HEATR4: variants seen among roughly 807,000 people sequenced by gnomAD.
HEATR4 encodes the protein HEAT repeat containing 4.
A neutral mutation model predicts 108.8 loss-of-function variants in HEATR4; 95 were observed. The ratio of observed to expected loss-of-function variants is 0.87; its 90% CI spans 0.74 to 1.04. HEATR4 has a LOEUF of 1.04. HEATR4 is among the 50% of genes least tolerant of loss of function. HEATR4 has a pLI of 0.00. For synonymous variants in HEATR4, 443 were observed against 459.4 expected (o/e 0.96, Z 0.46); for missense variants, 1,152 against 1,253.8 (o/e 0.92, Z 1.23).
the HEATR4 span, chr14:73,574,471 C>T: frequency 3.3e-6 from 1 of 306,188 alleles, no homozygotes; most frequent in East Asian, 8.8e-5. Flanking sequence ...CCATGTTGGC[C>T]AGACTGATCT....
At chr14:73,609,896 C>T in the HEATR4 span, among the ~76,000 whole-genome samples, 1 of 152,084 alleles carries the variant, frequency 6.6e-6, no homozygotes, top group African/African-American at 2.4e-5. Flanking sequence ...GCCTCAGCCT[C>T]CCAAAGTGCT....
At chr14:73,595,185 A>T in the HEATR4 span, 1 of 1,614,250 alleles carries the variant, frequency 6.2e-7, no homozygotes, top group Non-Finnish European at 8.5e-7. Flanking sequence ...ACAGCCATCA[A>T]CTATAAGCAC....
At chr14:73,599,205 T>C in the HEATR4 span, among the ~76,000 whole-genome samples, 1 of 152,002 alleles carries the variant, frequency 6.6e-6, no homozygotes, top group African/African-American at 2.4e-5. Context: ...GCCATTTAAA[T>C]CTCGGTGGAG....
chr14:73,556,175 A>G (rs1408561182), intron 1 of HEATR4, among the ~76,000 whole-genome samples: 12 of 111,014 alleles, frequency 1.1e-4, no homozygotes, highest in African/African-American at 1.4e-4. Flanking sequence ...TGTAATCCCA[A>G]CACTTTGGGA....
At position 73,512,136 on chromosome 14, in the gene HEATR4, G is replaced by A. The variant is rs1566834037; in HGVS notation, c.1428C>T (p.His476=). The A allele has an allele frequency of 6.2e-7, 1 of 1,614,180 alleles. No homozygotes were observed. The highest frequency in any genetic ancestry group is 8.5e-7 in the Non-Finnish European group (1 of 1,180,020). Residue 476 remains histidine (H), a synonymous_variant, in exon 7 of 18, where the codon CAC becomes CAT. Coordinates refer to ENST00000553558, the MANE Select transcript of HEATR4 (RefSeq NM_001220484.1). ...KTAWALIIEW[H]HETVENLLQS... is the part of the protein sequence containing the mutation. ...GAAGCAGGTTCTCTACTGTCTCATG[G>A]TGCCACTCTATGACTGAGCCGCAGT...
chr14:73,504,531 T>C (rs778579693), intron 10 of HEATR4, among the ~76,000 whole-genome samples: 7 of 152,104 alleles, frequency 4.6e-5, no homozygotes, highest in Non-Finnish European at 8.8e-5. Flanking sequence ...TGCGAGCCAC[T>C]GTGCCCGGCC....
At chr14:73,526,090 C>G (rs1888322104) in intron 2 of HEATR4, among the ~76,000 whole-genome samples, 1 of 152,192 alleles carries the variant, frequency 6.6e-6, no homozygotes, top group Non-Finnish European at 1.5e-5. Context: ...GCCCCCCTCC[C>G]TCACCTCTGG....
At chr14:73,488,046 G>A (rs1471140038) in intron 17 of HEATR4, among the ~76,000 whole-genome samples, 3 of 152,184 alleles carry the variant, frequency 2.0e-5, no homozygotes, top group Non-Finnish European at 2.9e-5. Context: ...ATTTTGAGTA[G>A]GGTGATGACA....
rs1887110188 is a variant in HEATR4 at position 73,509,848 on chromosome 14, A to ATT, written c.1559-376_1559-375insAA. Among the ~76,000 whole-genome samples the ATT allele has an allele frequency of 1.3e-4, 9 of 69,334 alleles. 1 individual carries two copies. The highest frequency in any genetic ancestry group is 5.3e-4 in the African/African-American group (9 of 17,066). 45.5% of individuals were successfully genotyped at this position (69,334 alleles called of 152,430 possible). A position where few individuals can be genotyped will look rare whatever the true frequency, so the allele number is the denominator to read the frequency against. On this transcript the variant is annotated intron_variant, in intron 7 of 17. Coordinates refer to ENST00000553558, the MANE Select transcript of HEATR4 (RefSeq NM_001220484.1). ...TATATATATATATATATATATATAT[A>ATT]TATATATATATATATATATATTTAT...
chr14:73,615,114 G>A, the HEATR4 span, among the ~76,000 whole-genome samples: 1 of 150,470 alleles, frequency 6.6e-6, no homozygotes, highest in Non-Finnish European at 1.5e-5. Flanking sequence ...GCGGCCAGGC[G>A]CGGTGGCTCA....
intron 6 of HEATR4, among the ~76,000 whole-genome samples, chr14:73,513,329 CATGCCTAT>C (rs1400861354): frequency 6.6e-6 from 1 of 151,824 alleles, no homozygotes; most frequent in African/African-American, 2.4e-5. Flanking sequence ...CATCATGGCA[CATGCCTAT>C]AGTCCCAGCT....
chr14:73,490,616 G>A (rs1441565619), intron 17 of HEATR4, among the ~76,000 whole-genome samples: 1 of 152,040 alleles, frequency 6.6e-6, no homozygotes, highest in Non-Finnish European at 1.5e-5. Flanking sequence ...CACCGCGCCC[G>A]GCCAATTTTT....
intron 10 of HEATR4, among the ~76,000 whole-genome samples, chr14:73,503,761 G>A (rs991131235): frequency 6.6e-6 from 1 of 152,094 alleles, no homozygotes; most frequent in Non-Finnish European, 1.5e-5. Flanking sequence ...ATTTACTAAC[G>A]GAAGACTTAT....
At chr14:73,530,465 C>T (rs1443038062) in intron 1 of HEATR4, 2 of 129,570 alleles carry the variant, frequency 1.5e-5, no homozygotes, top group African/African-American at 5.3e-5. Flanking sequence ...GGAACAGCTG[C>T]TTAACCTGGC....
At chr14:73,510,780 T>C (rs897223726) in intron 7 of HEATR4, among the ~76,000 whole-genome samples, 1 of 152,154 alleles carries the variant, frequency 6.6e-6, no homozygotes, top group Non-Finnish European at 1.5e-5. Context: ...CACAGAGTCT[T>C]GGGGACAGCA....
rs142163355 is a variant in HEATR4 at position 73,514,086 on chromosome 14, C to G, written c.1359G>C (p.Trp453Cys). Residue 453 changes from tryptophan (W) to cysteine (C), a missense_variant, in exon 6 of 18, where the codon TGG becomes TGC. By Grantham distance (215) the Trp-to-Cys change is radical. Coordinates refer to ENST00000553558, the MANE Select transcript of HEATR4 (RefSeq NM_001220484.1). ...QAKSLQEDVT[W>C]ELVVLRRMLK... is the part of the protein sequence containing the mutation. ...GCATCCTCCGCAGGACCACCAGTTC[C>G]CAGGTCACATCCTCCTGCAGTGATT... is the stretch of plus-strand genomic sequence containing the variant. 5.0e-6 allele frequency: 8 copies of G among 1,614,056 alleles called. No homozygotes were observed. The highest frequency in any genetic ancestry group is 2.7e-5 in the African/African-American group (2 of 74,924).
rs528745592 is a variant in HEATR4, at chr14:73,509,356, T to C, written c.1676A>G (p.His559Arg). The part of the protein sequence containing the change: ...AAICQYAIQS[H>R]NPLARNIMQT... ...CATGATGTTCCGGGCAAGGGGATTA[T>C]GTGACTGTATGGCATATTGGCATAT... The change falls in exon 8 of 18, where the codon CAT becomes CGT. Residue 559 changes from histidine (H) to arginine (R), a missense_variant. Physicochemically the swap from His to Arg is conservative, Grantham distance 29 (BLOSUM62 0). Transcript: ENST00000553558. 3.3e-5 allele frequency: 54 copies of C among 1,614,162 alleles called. 1 individual carries two copies. The South Asian group carries it at 5.8e-4, about 17-fold the overall frequency.
chr14:73,495,315 T>C lies in HEATR4; in HGVS notation c.2698A>G (p.Arg900Gly). Reference protein sequence around the residue: ...LKLEMVMGKVREEAKRVYLKP... With the variant: ...LKLEMVMGKVGEEAKRVYLKP... ...AAGTAAACACGTTTTGCTTCCTCCCTCACTTTTCCCATGACCATCTCCAGC... is the reference window on the plus strand; with the variant it reads ...AAGTAAACACGTTTTGCTTCCTCCCCCACTTTTCCCATGACCATCTCCAGC... Residue 900 changes from arginine (R) to glycine (G), a missense_variant, in exon 16 of 18, where the codon AGG becomes GGG. By Grantham distance (125) the Arg-to-Gly change is moderately radical. Transcript: ENST00000553558. 1 of 1,614,022 alleles carries C rather than the reference T, an allele frequency of 6.2e-7. No homozygotes were observed. The highest frequency in any genetic ancestry group is 8.5e-7 in the Non-Finnish European group (1 of 1,179,920).
chr14:73,571,697 C>G, the HEATR4 span: 2 of 151,830 alleles, frequency 1.3e-5, no homozygotes, highest in African/African-American at 2.4e-5. Flanking sequence ...CTGTGCTCAT[C>G]GCTGCCGGGG....
Sources: allele counts gnomAD v4.1 joint callset (sites outside exome capture counted in the v4.1 genomes callset), GRCh38; gene constraint gnomAD v4.1.1; transcripts MANE v1.5; gene names NCBI Gene and HGNC (gene_info 2026-07-23, HGNC 2026-07-21).